OC90: variants seen among roughly 807,000 people sequenced by gnomAD.
OC90 encodes otoconin-90.
Under a neutral mutation model 47.3 loss-of-function variants are expected in OC90, and 46 were observed. That is an observed-to-expected ratio of 0.97 (90% confidence interval 0.77 to 1.24). OC90 has a LOEUF of 1.24. Among genes scored for constraint, OC90 ranks in the 50% most tolerant of loss-of-function variants. The pLI is 0.00. For synonymous variants in OC90, 271 were observed against 219.5 expected (o/e 1.23, Z -2.07); for missense variants, 688 against 583.9 (o/e 1.18, Z -1.84).
chr8:132,024,779 T>A lies in OC90; in HGVS notation c.1139-3A>T. 6.2e-7 allele frequency: 1 copy of A among 1,609,622 alleles called. No homozygotes were observed. The highest frequency in any genetic ancestry group is 1.3e-5 in the African/African-American group (1 of 75,014). ...CTCACACAGGCTTTGGCCCCCACCTTAGAAGGAAAGAGCAGAGTAGAAGCC... is the reference window on the plus strand; with the variant it reads ...CTCACACAGGCTTTGGCCCCCACCTAAGAAGGAAAGAGCAGAGTAGAAGCC... On this transcript the variant is annotated splice_region_variant and splice_polypyrimidine_tract_variant and intron_variant, in intron 13 of 13. Coordinates refer to ENST00000254627, the MANE Select transcript of OC90 (RefSeq NM_001080399.3).
intron 1 of OC90, among the ~76,000 whole-genome samples, chr8:132,057,405 A>T (rs1563736257): frequency 6.6e-6 from 1 of 152,248 alleles, no homozygotes; most frequent in African/African-American, 2.4e-5. Context: ...TCCTTGAAAC[A>T]TGTTGCTTGA....
intron 2 of OC90, chr8:132,050,008 T>A (rs1424743215): frequency 3.0e-6 from 1 of 337,528 alleles, no homozygotes; most frequent in South Asian, 2.3e-5. Context: ...ATTATAAGGG[T>A]TTTTTTGTCC....
intron 1 of OC90, among the ~76,000 whole-genome samples, chr8:132,055,866 G>A (rs2130866272): frequency 6.6e-6 from 1 of 152,236 alleles, no homozygotes; most frequent in Admixed American, 6.5e-5. Context: ...AGCCCTTAAC[G>A]GACTCTAGCC....
intron 13 of OC90, among the ~76,000 whole-genome samples, chr8:132,028,558 GA>G (rs1181917733): frequency 4.4e-4 from 8 of 17,988 alleles, no homozygotes; most frequent in Non-Finnish European, 7.0e-4. Context: ...AAGAAAGAAA[GA>G]AAGAAAGGAA....
intron 12 of OC90, among the ~76,000 whole-genome samples, chr8:132,031,652 T>C (rs1287682968): frequency 2.0e-5 from 3 of 152,240 alleles, no homozygotes; most frequent in Non-Finnish European, 4.4e-5. Context: ...TTTCTGGCTC[T>C]GCCTTTTCCA....
intron 1 of OC90, 125 bp from the exon 2 acceptor site, chr8:132,055,198 G>T (rs960305420): frequency 2.5e-5 from 14 of 555,272 alleles, no homozygotes; most frequent in African/African-American, 3.8e-5. Context: ...GCCCTGAAAG[G>T]GTGTAGGTCC....
In OC90 at chr8:132,024,721, A is replaced by G. The variant is rs745375617; in HGVS notation, c.1194T>C (p.Ala398=). 1 of 1,613,822 alleles carries G rather than the reference A, an allele frequency of 6.2e-7. No homozygotes were observed. The highest frequency in any genetic ancestry group is 8.5e-7 in the Non-Finnish European group (1 of 1,179,812). ...TAAAGGAGGCAGAGGTCATGCACTC[A>G]GCTGCCGTCTGGTCACAGGCACAGA... ...KLLCACDQTA[A]ECMTSASFNQ... The change falls in exon 14 of 14, where the codon GCT becomes GCC. Residue 398 remains alanine, a synonymous_variant. Transcript: ENST00000254627.
rs372685836 is a variant in OC90 at position 132,028,526 on chromosome 8, AAAAGAAAGAAAGAAAG to A, written c.1138+531_1138+546del. On this transcript the variant is annotated intron_variant, in intron 13 of 13. Coordinates refer to ENST00000254627, the MANE Select transcript of OC90 (RefSeq NM_001080399.3). ...GAAAGAAAAAGAAAAAGAAAGAAAG[AAAAGAAAGAAAGAAAG>A]AAAGAAAGAAAGAAAGAAAGAAAGG... is the stretch of plus-strand genomic sequence containing the variant. Among the ~76,000 whole-genome samples the A allele has an allele frequency of 1.3e-3, 112 of 87,560 alleles. 2 individuals carry two copies. The highest frequency in any genetic ancestry group is 3.6e-3 in the East Asian group (12 of 3,314). 57.4% of individuals were successfully genotyped at this position (87,560 alleles called of 152,430 possible).
chr8:132,029,814 C>T (rs1212429841), intron 12 of OC90, among the ~76,000 whole-genome samples: 2 of 152,236 alleles, frequency 1.3e-5, no homozygotes. Flanking sequence ...AGTGTCCCCC[C>T]TTGCCAGGTG....
chr8:132,027,154 G>T (rs1438711305), intron 13 of OC90, among the ~76,000 whole-genome samples: 1 of 152,130 alleles, frequency 6.6e-6, no homozygotes, highest in Non-Finnish European at 1.5e-5. Flanking sequence ...CATTCCCAGG[G>T]CCCCTGTGCT....
intron 6 of OC90, among the ~76,000 whole-genome samples, chr8:132,039,423 T>C (rs754911197): frequency 6.6e-6 from 1 of 152,178 alleles, no homozygotes; most frequent in Non-Finnish European, 1.5e-5. Context: ...CCCTCTTGTC[T>C]CGTGCCTGGT....
chr8:132,035,403 C>A (rs1338347165), intron 9 of OC90, among the ~76,000 whole-genome samples: 1 of 152,130 alleles, frequency 6.6e-6, no homozygotes, highest in East Asian at 1.9e-4. Flanking sequence ...AGGAGACACA[C>A]AGAAAAGTTA....
Position 132,052,916 on chromosome 8 carries a change from C to T in OC90, c.46+2065G>A, listed in dbSNP as rs200868297. Among the ~76,000 whole-genome samples the T allele has an allele frequency of 2.5e-3, 327 of 133,264 alleles. 3 individuals are homozygous for T. The highest frequency in any genetic ancestry group is 8.3e-3 in the African/African-American group (315 of 37,800). The allele number at this position is 133,264 out of a possible 152,430, so 87.4% of individuals were successfully genotyped here. A position where few individuals can be genotyped will look rare whatever the true frequency, so the allele number is the denominator to read the frequency against. On this transcript the variant is annotated intron_variant, in intron 2 of 13. Coordinates refer to ENST00000254627, the MANE Select transcript of OC90 (RefSeq NM_001080399.3). ...TGAAGCTATAAAGCTTTTTCTCACC[C>T]GGTACGTACGGCTTTCCTTGATCTG... is the stretch of plus-strand genomic sequence containing the variant.
intron 4 of OC90, among the ~76,000 whole-genome samples, chr8:132,042,000 C>G (rs762770432): frequency 6.6e-6 from 1 of 152,138 alleles, no homozygotes; most frequent in Admixed American, 6.5e-5. Flanking sequence ...TCCCATGTTA[C>G]CAACTGATTG....
intron 13 of OC90, among the ~76,000 whole-genome samples, chr8:132,028,119 C>T (rs1239546540): frequency 6.6e-6 from 1 of 152,132 alleles, no homozygotes; most frequent in Non-Finnish European, 1.5e-5. Flanking sequence ...CCAGCCTGCT[C>T]GTCACCGGCC....
chr8:132,038,358 GGAGGAAGGGA>G (rs1823000220), intron 8 of OC90, among the ~76,000 whole-genome samples: 1 of 152,186 alleles, frequency 6.6e-6, no homozygotes, highest in Non-Finnish European at 1.5e-5. Context: ...TGGAGAAAGG[GGAGGAAGGGA>G]GAGGAGGAGG....
chr8:132,047,050 G>A (rs978796307), intron 2 of OC90, among the ~76,000 whole-genome samples: 3 of 152,184 alleles, frequency 2.0e-5, no homozygotes, highest in Non-Finnish European at 4.4e-5. Context: ...ATACCAGCAG[G>A]AAACACTTCC....
At chr8:132,053,539 T>C (rs925172707) in intron 2 of OC90, among the ~76,000 whole-genome samples, 3 of 152,184 alleles carry the variant, frequency 2.0e-5, no homozygotes, top group Admixed American at 6.5e-5. Flanking sequence ...AATGATAATG[T>C]CTATTGGTGC....
chr8:132,024,854 C>G, intron 13 of OC90, 78 bp from the exon 14 acceptor site: 1 of 1,237,472 alleles, frequency 8.1e-7, no homozygotes. Context: ...CTGGCCACCC[C>G]TCAGCCCTTC....
Sources: gnomAD v4.1 joint callset for allele counts (sites outside exome capture counted in the v4.1 genomes callset) on GRCh38, gnomAD v4.1.1 for gene constraint, MANE v1.5 for transcripts, NCBI Gene and HGNC (gene_info 2026-07-23, HGNC 2026-07-21) for gene names.